The following NRG3 variants were observed in gnomAD, a reference collection of about 807,000 sequenced individuals.
The protein encoded by NRG3 is neuregulin 3, also known as pro-neuregulin-3, membrane-bound isoform.
NRG3 carries 31 observed loss-of-function variants against 66.9 expected under a neutral mutation model. The ratio of observed to expected loss-of-function variants is 0.46; its 90% CI spans 0.35 to 0.63. NRG3 has a LOEUF of 0.63. Among genes scored for constraint, NRG3 ranks in the 20% least tolerant of loss-of-function variants. The probability of loss-of-function intolerance (pLI) is 0.00; values close to 1 mark genes in which losing one functional copy is unlikely to be tolerated. For synonymous variants in NRG3, 393 were observed against 359.4 expected (o/e 1.09, Z -1.06); for missense variants, 910 against 878.9 (o/e 1.04, Z -0.45).
At chr10:82,399,778 A>T (rs1484097859) in intron 2 of NRG3, among the ~76,000 whole-genome samples, 1 of 152,252 alleles carries the variant, frequency 6.6e-6, no homozygotes, top group Non-Finnish European at 1.5e-5. Context: ...ACAGCAAGGC[A>T]TTGAGAGTGG....
chr10:82,517,906 G>T (rs1177083200), intron 2 of NRG3, among the ~76,000 whole-genome samples: 1 of 152,068 alleles, frequency 6.6e-6, no homozygotes, highest in African/African-American at 2.4e-5. Flanking sequence ...GTAAGGAAAA[G>T]AAAAAATAAC....
chr10:82,242,933 G>A (rs1355985311), intron 1 of NRG3, among the ~76,000 whole-genome samples: 1 of 152,172 alleles, frequency 6.6e-6, no homozygotes, highest in Non-Finnish European at 1.5e-5. Flanking sequence ...TGACCCTTTT[G>A]AACAGAAAGT....
chr10:82,171,917 A>G (rs895586109), intron 1 of NRG3, among the ~76,000 whole-genome samples: 15 of 152,102 alleles, frequency 9.9e-5, no homozygotes, highest in African/African-American at 3.4e-4. Context: ...AAGAGGTGAT[A>G]AGGAATGACA....
intron 3 of NRG3, among the ~76,000 whole-genome samples, chr10:82,850,991 G>A (rs1261413358): frequency 6.6e-6 from 1 of 152,034 alleles, no homozygotes; most frequent in Non-Finnish European, 1.5e-5. Flanking sequence ...GAGGAAATTT[G>A]TTAACCCATG....
At chr10:82,016,903 G>A (rs2061809341) in intron 1 of NRG3, among the ~76,000 whole-genome samples, 1 of 152,116 alleles carries the variant, frequency 6.6e-6, no homozygotes, top group Admixed American at 6.6e-5. Flanking sequence ...CTTTGAGCAT[G>A]TAAGGGAATT....
chr10:82,341,604 G>C (rs1366516724), intron 1 of NRG3, among the ~76,000 whole-genome samples: 1 of 151,940 alleles, frequency 6.6e-6, no homozygotes, highest in East Asian at 1.9e-4. Flanking sequence ...GTATATATCT[G>C]TTTTATTTTT....
intron 1 of NRG3, among the ~76,000 whole-genome samples, chr10:82,247,456 A>G (rs1039087719): frequency 2.0e-4 from 31 of 151,744 alleles, no homozygotes; most frequent in Admixed American, 1.9e-3. Flanking sequence ...GTTTATATGA[A>G]CTATTACTGA....
intron 1 of NRG3, among the ~76,000 whole-genome samples, chr10:81,931,125 A>G (rs1358819032): frequency 6.6e-6 from 1 of 152,174 alleles, no homozygotes; most frequent in Non-Finnish European, 1.5e-5. Context: ...GTAATTGATT[A>G]AACATTGGCC....
chr10:82,174,711 C>G (rs1024233794), intron 1 of NRG3, among the ~76,000 whole-genome samples: 2 of 152,082 alleles, frequency 1.3e-5, no homozygotes, highest in Non-Finnish European at 2.9e-5. Flanking sequence ...CCACTTTCTT[C>G]TTATCCTTGG....
At chr10:81,991,973 A>G (rs934779010) in intron 1 of NRG3, among the ~76,000 whole-genome samples, 2 of 152,116 alleles carry the variant, frequency 1.3e-5, no homozygotes, top group Admixed American at 6.6e-5. Flanking sequence ...GATTGAGACA[A>G]AGTGTCATGC....
At chr10:82,815,012 T>A (rs772544735) in intron 3 of NRG3, among the ~76,000 whole-genome samples, 8 of 152,172 alleles carry the variant, frequency 5.3e-5, no homozygotes, top group Non-Finnish European at 1.0e-4. Flanking sequence ...ACCATGCTGA[T>A]CTGCTTCTAG....
chr10:82,088,306 G>C (rs1228079584), intron 1 of NRG3, among the ~76,000 whole-genome samples: 1 of 151,798 alleles, frequency 6.6e-6, no homozygotes, highest in Non-Finnish European at 1.5e-5. Context: ...TTCACTAAGA[G>C]TACTACTCAA....
intron 4 of NRG3, among the ~76,000 whole-genome samples, chr10:82,949,680 C>A (rs1193973064): frequency 6.6e-6 from 1 of 151,966 alleles, no homozygotes; most frequent in Non-Finnish European, 1.5e-5. Flanking sequence ...CACAGTGAAA[C>A]CTCATCTCTA....
intron 2 of NRG3, among the ~76,000 whole-genome samples, chr10:82,706,070 C>G (rs543761780): frequency 6.6e-6 from 1 of 152,244 alleles, no homozygotes; most frequent in East Asian, 1.9e-4. Context: ...AAGCTTTCCT[C>G]CCCTGATCAA....
At chr10:82,591,401 T>C (rs2046976859) in intron 2 of NRG3, among the ~76,000 whole-genome samples, 1 of 152,222 alleles carries the variant, frequency 6.6e-6, no homozygotes, top group South Asian at 2.1e-4. Flanking sequence ...GATCCCATGA[T>C]AAACATTCAT....
intron 3 of NRG3, among the ~76,000 whole-genome samples, chr10:82,815,343 A>G (rs755673731): frequency 9.9e-5 from 15 of 152,178 alleles, no homozygotes; most frequent in Non-Finnish European, 1.9e-4. Context: ...CATTTCATTG[A>G]TTTCCCCACC....
At chr10:82,521,051 T>G (rs1240432490) in intron 2 of NRG3, among the ~76,000 whole-genome samples, 1 of 152,168 alleles carries the variant, frequency 6.6e-6, no homozygotes, top group Non-Finnish European at 1.5e-5. Context: ...GTATTGCAAG[T>G]TCAGTTCCAG....
chr10:82,880,591 C>A (rs998976549), intron 4 of NRG3, among the ~76,000 whole-genome samples: 4 of 152,106 alleles, frequency 2.6e-5, no homozygotes, highest in Non-Finnish European at 5.9e-5. Flanking sequence ...GGTGTGTTTT[C>A]TCCAAATATG....
At chr10:82,855,882 G>T (rs1369292681) in intron 3 of NRG3, among the ~76,000 whole-genome samples, 1 of 152,050 alleles carries the variant, frequency 6.6e-6, no homozygotes, top group Non-Finnish European at 1.5e-5. Flanking sequence ...TTCTGATAGT[G>T]GACCACTTAC....
Sources: gnomAD v4.1 joint callset for allele counts (sites outside exome capture counted in the v4.1 genomes callset) on GRCh38, gnomAD v4.1.1 for gene constraint, MANE v1.5 for transcripts, NCBI Gene and HGNC (gene_info 2026-07-23, HGNC 2026-07-21) for gene names.